The following GPC6 variants were observed in gnomAD, a reference collection of about 807,000 sequenced individuals.
The protein encoded by GPC6 is glypican 6.
Under a neutral mutation model 55.2 loss-of-function variants are expected in GPC6, and 14 were observed. That is an observed-to-expected ratio of 0.25 (90% CI 0.17 to 0.40). The LOEUF is 0.40. Among genes scored for constraint, GPC6 ranks in the 10% least tolerant of loss-of-function variants. The pLI, the probability that GPC6 is intolerant of heterozygous loss-of-function variation, is 1.00. For missense variants in GPC6, 641 were observed against 708.5 expected, an observed-to-expected ratio of 0.90 and a Z score of 1.08; for synonymous variants, 278 against 259.6, an observed-to-expected ratio of 1.07 and a Z score of -0.68.
chr13:93,317,948 A>T (rs2139118378), intron 1 of GPC6, among the ~76,000 whole-genome samples: 1 of 152,228 alleles, frequency 6.6e-6, no homozygotes, highest in African/African-American at 2.4e-5. Flanking sequence ...AAGGAAAACC[A>T]CTCACTCTTA....
At chr13:93,280,168 G>GT (rs984351937) in intron 1 of GPC6, among the ~76,000 whole-genome samples, 4 of 152,166 alleles carry the variant, frequency 2.6e-5, no homozygotes, top group Non-Finnish European at 5.9e-5. Context: ...AGGTTCACAT[G>GT]TGGGGGGGGC....
At chr13:94,272,129 A>G (rs1892047151) in intron 4 of GPC6, among the ~76,000 whole-genome samples, 2 of 152,126 alleles carry the variant, frequency 1.3e-5, no homozygotes, top group South Asian at 4.1e-4. Flanking sequence ...GAAGTAGGAA[A>G]AAAGGGCTCC....
chr13:93,228,673 A>G (rs1282907307), intron 1 of GPC6, among the ~76,000 whole-genome samples: 1 of 152,140 alleles, frequency 6.6e-6, no homozygotes, highest in Non-Finnish European at 1.5e-5. Flanking sequence ...AGAGAGGCCG[A>G]GGGAGGCCAG....
intron 1 of GPC6, among the ~76,000 whole-genome samples, chr13:93,521,974 A>G (rs1881436858): frequency 6.6e-6 from 1 of 151,974 alleles, no homozygotes; most frequent in African/African-American, 2.4e-5. Flanking sequence ...TATTTAAGTC[A>G]CCTTTATCCT....
At chr13:93,296,872 C>T (rs1038344117) in intron 1 of GPC6, among the ~76,000 whole-genome samples, 2 of 152,082 alleles carry the variant, frequency 1.3e-5, no homozygotes, top group Non-Finnish European at 2.9e-5. Flanking sequence ...CTTCAGGAGT[C>T]GTAGCCATCC....
At chr13:93,456,161 T>A (rs1264965974) in intron 1 of GPC6, among the ~76,000 whole-genome samples, 1 of 151,724 alleles carries the variant, frequency 6.6e-6, no homozygotes, top group Non-Finnish European at 1.5e-5. Context: ...AAAAACTTTA[T>A]GAACCCTTAA....
At chr13:93,433,278 TGCTGGTG>T (rs1178909536) in intron 1 of GPC6, among the ~76,000 whole-genome samples, 2 of 152,184 alleles carry the variant, frequency 1.3e-5, no homozygotes, top group Admixed American at 1.3e-4. Context: ...GAATTACCCC[TGCTGGTG>T]GCCCAGTGAG....
rs1239941537 is a variant in GPC6 at position 94,183,369 on chromosome 13, A to G, written c.878-102980A>G. On this transcript the variant is annotated intron_variant, in intron 4 of 8. Transcript: ENST00000377047. ...AATGTTCTCAAGGTCTATCCATGTC[A>G]TAGAATGTATCAGAACTTCATTCCT... 2.6e-5 allele frequency among the ~76,000 whole-genome samples: 4 copies of G among 152,190 alleles called. No individual in the cohort carries two copies. In the South Asian group the frequency reaches 6.2e-4, roughly 24 times the overall value.
intron 2 of GPC6, among the ~76,000 whole-genome samples, chr13:93,689,934 C>A (rs566246522): frequency 6.6e-6 from 1 of 152,134 alleles, no homozygotes; most frequent in South Asian, 2.1e-4. Flanking sequence ...ATAGTGAAAC[C>A]AGTATCTGTT....
chr13:93,713,166 A>G (rs890460746), intron 2 of GPC6, among the ~76,000 whole-genome samples: 2 of 151,670 alleles, frequency 1.3e-5, no homozygotes, highest in African/African-American at 4.8e-5. Flanking sequence ...TCCAAAATAT[A>G]GGATTCAATA....
chr13:93,960,750 A>C (rs992440420), intron 3 of GPC6, among the ~76,000 whole-genome samples: 5 of 150,996 alleles, frequency 3.3e-5, no homozygotes, highest in African/African-American at 4.9e-5. Context: ...TGCTGTATTC[A>C]TGTGGATTAT....
At chr13:93,470,598 CT>C (rs1225313044) in intron 1 of GPC6, among the ~76,000 whole-genome samples, 2 of 151,832 alleles carry the variant, frequency 1.3e-5, no homozygotes, top group African/African-American at 4.8e-5. Flanking sequence ...TTCTTGTTTT[CT>C]TTTTCTTTGG....
chr13:93,602,527 G>C (rs1333463715), intron 2 of GPC6, among the ~76,000 whole-genome samples: 2 of 152,090 alleles, frequency 1.3e-5, no homozygotes, highest in Non-Finnish European at 2.9e-5. Flanking sequence ...GCCACTTTCT[G>C]ACATCTTATG....
chr13:94,069,298 G>A (rs1322313832), intron 4 of GPC6, among the ~76,000 whole-genome samples: 1 of 152,126 alleles, frequency 6.6e-6, no homozygotes, highest in Non-Finnish European at 1.5e-5. Context: ...GGACACAGGA[G>A]ACCAAGTCCC....
chr13:93,792,677 G>C (rs1291227275), intron 2 of GPC6, among the ~76,000 whole-genome samples: 2 of 152,186 alleles, frequency 1.3e-5, no homozygotes, highest in African/African-American at 4.8e-5. Context: ...ATGAGGCTTT[G>C]TAGGGGAAAA....
At chr13:93,592,878 A>C (rs1478281616) in intron 2 of GPC6, among the ~76,000 whole-genome samples, 2 of 151,052 alleles carry the variant, frequency 1.3e-5, no homozygotes, top group Non-Finnish European at 2.9e-5. Flanking sequence ...CGAAATGCTT[A>C]TTAAAGAATA....
intron 2 of GPC6, among the ~76,000 whole-genome samples, chr13:93,744,528 C>CTTTT (rs71736430): frequency 0.042 from 4,118 of 96,992 alleles, 991 homozygotes; most frequent in African/African-American, 0.16. Flanking sequence ...TTTCCCTAGT[C>CTTTT]TTTTTTTTTT....
chr13:93,513,169 C>T (rs1276356333), intron 1 of GPC6, among the ~76,000 whole-genome samples: 5 of 152,098 alleles, frequency 3.3e-5, no homozygotes, highest in African/African-American at 4.8e-5. Flanking sequence ...GGGAATCAAG[C>T]GGGAGTAAGA....
chr13:94,099,375 A>T (rs1262800740), intron 4 of GPC6, among the ~76,000 whole-genome samples: 2 of 152,244 alleles, frequency 1.3e-5, no homozygotes, highest in African/African-American at 4.8e-5. Context: ...TTATTGGTGC[A>T]CATTCACGGG....
Sources: allele counts gnomAD v4.1 joint callset (sites outside exome capture counted in the v4.1 genomes callset), GRCh38; gene constraint gnomAD v4.1.1; transcripts MANE v1.5; gene names NCBI Gene and HGNC (gene_info 2026-07-23, HGNC 2026-07-21).